The following PCDH15 variants were observed in gnomAD, a reference collection of about 807,000 sequenced individuals.
PCDH15 encodes the protein protocadherin-15.
Under a neutral mutation model 178.5 loss-of-function variants are expected in PCDH15, and 129 were observed. That is an observed-to-expected ratio of 0.72 (90% CI 0.63 to 0.84). PCDH15 has a LOEUF of 0.84. Among genes scored for constraint, PCDH15 ranks in the 40% least tolerant of loss-of-function variants. PCDH15 has a pLI of 0.00. For synonymous variants in PCDH15, 800 were observed against 732.0 expected (o/e 1.09, Z -1.50); for missense variants, 2,230 against 2,099.9 (o/e 1.06, Z -1.21).
chr10:54,816,255 C>T (rs1021738239), intron 3 of PCDH15, among the ~76,000 whole-genome samples: 113 of 152,020 alleles, frequency 7.4e-4, no homozygotes, highest in Non-Finnish European at 1.0e-4. Flanking sequence ...ATGCAAGAGC[C>T]AGGGTTTAAG....
chr10:55,094,563 T>G (rs1228006175), intron 2 of PCDH15, among the ~76,000 whole-genome samples: 1 of 151,878 alleles, frequency 6.6e-6, no homozygotes, highest in Middle Eastern at 3.2e-3. Flanking sequence ...TAAAAAAAAT[T>G]AGGTAGTATT....
chr10:55,342,223 A>G (rs1383322837), intron 2 of PCDH15, among the ~76,000 whole-genome samples: 1 of 151,542 alleles, frequency 6.6e-6, no homozygotes, highest in Non-Finnish European at 1.5e-5. Context: ...CATTTTTTCA[A>G]ATTTCTTTAG....
chr10:54,310,531 T>C (rs1379972471), intron 8 of PCDH15, among the ~76,000 whole-genome samples: 1 of 151,984 alleles, frequency 6.6e-6, no homozygotes, highest in East Asian at 1.9e-4. Flanking sequence ...TAACAATACA[T>C]AGTAAGTATG....
At chr10:55,252,375 G>A (rs1361696585) in intron 1 of PCDH15, among the ~76,000 whole-genome samples, 1 of 151,978 alleles carries the variant, frequency 6.6e-6, no homozygotes, top group Non-Finnish European at 1.5e-5. Flanking sequence ...ATGTAATCCT[G>A]TCTTAGAATA....
intron 7 of PCDH15, among the ~76,000 whole-genome samples, chr10:54,322,972 G>T (rs78040440): frequency 6.6e-6 from 1 of 152,008 alleles, no homozygotes; most frequent in African/African-American, 2.4e-5. Context: ...ATCTGACAAA[G>T]GTCTAATATT....
chr10:53,982,983 A>T (rs531927679), intron 21 of PCDH15, among the ~76,000 whole-genome samples: 78 of 152,268 alleles, frequency 5.1e-4, no homozygotes, highest in African/African-American at 1.8e-3. Context: ...TCATAGTTAT[A>T]GCAATCACAT....
intron 2 of PCDH15, among the ~76,000 whole-genome samples, chr10:55,411,744 A>G (rs1838338158): frequency 6.6e-6 from 1 of 152,142 alleles, no homozygotes; most frequent in Non-Finnish European, 1.5e-5. Flanking sequence ...TTAGTCAAAG[A>G]GAAAGCAGTA....
chr10:55,264,149 T>C (rs747520451), intron 1 of PCDH15, among the ~76,000 whole-genome samples: 1 of 152,140 alleles, frequency 6.6e-6, no homozygotes, highest in Non-Finnish European at 1.5e-5. Context: ...AGGGCTTATT[T>C]GAGACACTCT....
chr10:54,858,927 A>T (rs961947735), intron 3 of PCDH15, among the ~76,000 whole-genome samples: 4 of 152,096 alleles, frequency 2.6e-5, no homozygotes, highest in African/African-American at 9.6e-5. Context: ...TAGGGCCACA[A>T]TGATATAATT....
chr10:54,774,779 C>T (rs1189769032), intron 1 of PCDH15, among the ~76,000 whole-genome samples: 2 of 152,060 alleles, frequency 1.3e-5, no homozygotes, highest in Non-Finnish European at 2.9e-5. Context: ...ACCACGTCTC[C>T]TGAAATCTTA....
At chr10:55,110,055 T>G (rs1837458421) in intron 2 of PCDH15, among the ~76,000 whole-genome samples, 1 of 151,706 alleles carries the variant, frequency 6.6e-6, no homozygotes, top group Non-Finnish European at 1.5e-5. Context: ...TACTATTGAT[T>G]TTTAATATTA....
intron 1 of PCDH15, among the ~76,000 whole-genome samples, chr10:55,302,217 C>T (rs1349946367): frequency 7.1e-6 from 1 of 141,682 alleles, no homozygotes. Flanking sequence ...ATATTCCACT[C>T]TATGAAAAAA....
intron 2 of PCDH15, among the ~76,000 whole-genome samples, chr10:55,161,262 C>G (rs775518234): frequency 6.6e-6 from 1 of 152,114 alleles, no homozygotes; most frequent in Non-Finnish European, 1.5e-5. Flanking sequence ...TGAGAATAAG[C>G]AAAGAGGAAG....
At chr10:54,349,782 C>A (rs184481745) in intron 5 of PCDH15, among the ~76,000 whole-genome samples, 1 of 151,992 alleles carries the variant, frequency 6.6e-6, no homozygotes, top group Non-Finnish European at 1.5e-5. Flanking sequence ...TGATAATAGA[C>A]CACAGGAAAA....
At chr10:54,648,095 G>A (rs1483310998) in intron 2 of PCDH15, among the ~76,000 whole-genome samples, 1 of 151,948 alleles carries the variant, frequency 6.6e-6, no homozygotes, top group Non-Finnish European at 1.5e-5. Context: ...ATTCAAACTG[G>A]TATTTTTGTC....
chr10:55,330,526 T>A (rs181662114), intron 2 of PCDH15, among the ~76,000 whole-genome samples: 4 of 152,006 alleles, frequency 2.6e-5, no homozygotes, highest in Admixed American at 2.6e-4. Context: ...GCATTTCCAC[T>A]GAAAAAATAT....
chr10:55,181,793 A>G (rs1479219675), intron 1 of PCDH15, among the ~76,000 whole-genome samples: 1 of 152,022 alleles, frequency 6.6e-6, no homozygotes, highest in Non-Finnish European at 1.5e-5. Flanking sequence ...ATTCCTTTAA[A>G]GCCTTGTTCT....
At chr10:54,438,458 C>G (rs2075579745) in intron 3 of PCDH15, among the ~76,000 whole-genome samples, 1 of 151,986 alleles carries the variant, frequency 6.6e-6, no homozygotes, top group Non-Finnish European at 1.5e-5. Context: ...TACCTGAAGC[C>G]TCTTACATCT....
chr10:54,335,527 T>C (rs1429926632), intron 6 of PCDH15, among the ~76,000 whole-genome samples: 1 of 152,162 alleles, frequency 6.6e-6, no homozygotes, highest in Non-Finnish European at 1.5e-5. Context: ...AATCATGGCA[T>C]TTCCCCATAC....
Sources: gnomAD v4.1 joint callset for allele counts (sites outside exome capture counted in the v4.1 genomes callset) on GRCh38, gnomAD v4.1.1 for gene constraint, MANE v1.5 for transcripts, NCBI Gene and HGNC (gene_info 2026-07-23, HGNC 2026-07-21) for gene names.